ELF1: variants seen among roughly 807,000 people sequenced by gnomAD.
ELF1 encodes the protein ETS-related transcription factor Elf-1.
A neutral mutation model predicts 59.9 loss-of-function variants in ELF1; 24 were observed. The observed-to-expected ratio is 0.40, with a 90% CI of 0.29 to 0.56. The LOEUF (loss-of-function observed/expected upper bound fraction) is 0.56. Among genes scored for constraint, ELF1 ranks in the 20% least tolerant of loss-of-function variants. ELF1 has a pLI of 0.44. For synonymous variants in ELF1, 248 were observed against 266.2 expected (o/e 0.93, Z 0.67); for missense variants, 627 against 742.2 (o/e 0.84, Z 1.80).
Position 40,933,273 on chromosome 13 carries a change from TCCTC to T in ELF1, c.*148_*151del. The T allele has an allele frequency of 1.0e-6, 1 of 959,956 alleles. No homozygotes were observed. The highest frequency in any genetic ancestry group is 1.5e-6 in the Non-Finnish European group (1 of 674,214). 59.5% of individuals were successfully genotyped at this position (959,956 alleles called of 1,614,324 possible). A position where few individuals can be genotyped will look rare whatever the true frequency, so the allele number is the denominator to read the frequency against. ...ATAACAAAGAGAAACAGTTGAGTTT[TCCTC>T]CCTCATCTAACAAAGTCAAAATTAA... On this transcript the variant is annotated 3_prime_UTR_variant, in exon 9 of 9. Coordinates refer to ENST00000239882, the MANE Select transcript of ELF1 (RefSeq NM_172373.4).
rs187909248 is a variant in ELF1 at position 40,959,436 on chromosome 13, C to T, written c.73-420G>A. On this transcript the variant is annotated intron_variant, in intron 2 of 8. Coordinates refer to ENST00000239882, the MANE Select transcript of ELF1 (RefSeq NM_172373.4). ...ACTTGAACCTGGGAGGCGGAGGTTG[C>T]AGTGAGCCGAGATCGCACCACTGCA... 4.4e-3 allele frequency among the ~76,000 whole-genome samples: 665 copies of T among 152,110 alleles called. 2 individuals are homozygous for T. Among genetic ancestry groups the T allele is most frequent in the Non-Finnish European group, 7.7e-3 (526 of 67,972 alleles).
intron 6 of ELF1, 98 bp from the exon 7 acceptor site, chr13:40,943,242 T>C (rs1314574875): frequency 1.4e-5 from 15 of 1,034,844 alleles, no homozygotes; most frequent in Admixed American, 1.2e-4. Context: ...TTTATATTTA[T>C]ACAAAAATAT....
chr13:41,030,886 C>T (rs1436871269), intron 1 of ELF1, among the ~76,000 whole-genome samples: 3 of 151,810 alleles, frequency 2.0e-5, no homozygotes, highest in Non-Finnish European at 4.4e-5. Flanking sequence ...TCTGGCCAGG[C>T]ATGGTGGCTC....
intron 1 of ELF1, chr13:40,992,780 C>T: frequency 3.2e-6 from 1 of 309,322 alleles, no homozygotes; most frequent in Non-Finnish European, 5.9e-6. Flanking sequence ...AAAGATGTTA[C>T]TTGGGGCTGG....
At position 40,933,619 on chromosome 13, in the gene ELF1, C is replaced by G. The variant is rs1308215258; in HGVS notation, c.1666G>C (p.Val556Leu). Reference protein sequence around the residue: ...AHPPGTVITSVIKTQETKTLT... With the variant: ...AHPPGTVITSLIKTQETKTLT... ...GTTTTTGTTTCTTGAGTTTTGATAA[C>G]TGAAGTGATTACAGTGCCAGGTGGG... Residue 556 changes from valine (V) to leucine (L), a missense_variant, in exon 9 of 9, where the codon GTT becomes CTT. Physicochemically the swap from Val to Leu is conservative, Grantham distance 32 (BLOSUM62 1). Around this residue, in one of 3 missense-constraint regions of ELF1, gnomAD observed 361 missense variants for 396.1 expected, o/e 0.91. Transcript: ENST00000239882. The G allele has an allele frequency of 2.5e-6, 4 of 1,614,048 alleles. No homozygotes were observed. The highest frequency in any genetic ancestry group is 3.3e-5 in the Admixed American group (2 of 59,990).
intron 1 of ELF1, chr13:40,993,001 G>A: frequency 1.5e-6 from 2 of 1,330,962 alleles, no homozygotes; most frequent in Non-Finnish European, 2.2e-6. Context: ...ATCCAGAAAA[G>A]TAGGTTCTCT....
intron 1 of ELF1, among the ~76,000 whole-genome samples, chr13:41,034,250 C>G (rs1205233067): frequency 6.6e-6 from 1 of 152,058 alleles, no homozygotes; most frequent in African/African-American, 2.4e-5. Context: ...TGTGGTATAT[C>G]TTGGACTAGA....
chr13:40,997,670 G>C (rs1371983834), intron 1 of ELF1, among the ~76,000 whole-genome samples: 3 of 152,228 alleles, frequency 2.0e-5, no homozygotes, highest in Middle Eastern at 3.4e-3. Flanking sequence ...GGGATTACAG[G>C]TGTGAGCCAC....
At position 41,029,483 on chromosome 13, in the gene ELF1, G is replaced by A. The variant is rs542445724; in HGVS notation, c.-229+31355C>T. ...CACAGCCTCAACCTCCCAGGCTCAG[G>A]TGATCCTCTCACCTCAGCCTCCCGA... On this transcript the variant is annotated intron_variant, in intron 1 of 1. Transcript: ENST00000405737. Among the ~76,000 whole-genome samples, 451 of 152,232 alleles carry A rather than the reference G, an allele frequency of 3.0e-3. 3 individuals are homozygous for A. The highest frequency in any genetic ancestry group is 0.01 in the African/African-American group (431 of 41,534).
At chr13:40,992,546 A>G (rs1873908746) in intron 1 of ELF1, among the ~76,000 whole-genome samples, 1 of 152,236 alleles carries the variant, frequency 6.6e-6, no homozygotes, top group Admixed American at 6.5e-5. Context: ...ATAATGAAGG[A>G]AGAATGAATT....
At chr13:41,060,920 C>T (rs554330216) in exon 1 of ELF1, 5,748 of 45,164 alleles carry the variant, frequency 0.13, 300 homozygotes, top group African/African-American at 0.29. Flanking sequence ...CTGCTGCCGC[C>T]GCCGCCGCCG....
intron 1 of ELF1, among the ~76,000 whole-genome samples, chr13:41,015,171 C>G (rs1238767996): frequency 6.6e-6 from 1 of 151,712 alleles, no homozygotes; most frequent in Non-Finnish European, 1.5e-5. Flanking sequence ...ACAATTGGAA[C>G]CAAAACAACT....
intron 1 of ELF1, among the ~76,000 whole-genome samples, chr13:41,004,157 T>C (rs1431852712): frequency 6.6e-6 from 1 of 151,984 alleles, no homozygotes; most frequent in Admixed American, 6.6e-5. Flanking sequence ...GTTCAACATC[T>C]AAAAAGAAAC....
chr13:40,956,088 G>T (rs1366221158), intron 3 of ELF1, among the ~76,000 whole-genome samples: 4 of 149,764 alleles, frequency 2.7e-5, no homozygotes, highest in Non-Finnish European at 4.5e-5. Flanking sequence ...ACAGCTCATT[G>T]AGAACGGGCC....
intron 1 of ELF1, among the ~76,000 whole-genome samples, chr13:40,984,205 C>T (rs1398333218): frequency 6.6e-6 from 1 of 152,280 alleles, no homozygotes; most frequent in African/African-American, 2.4e-5. Flanking sequence ...TTCTTCTGTA[C>T]CTCCCAAACC....
chr13:41,017,906 G>A (rs1300295188), intron 1 of ELF1, among the ~76,000 whole-genome samples: 1 of 152,168 alleles, frequency 6.6e-6, no homozygotes, highest in Non-Finnish European at 1.5e-5. Flanking sequence ...TGCAAACAAA[G>A]ATGATAGCAA....
chr13:40,955,733 A>T (rs1380366788), intron 3 of ELF1, among the ~76,000 whole-genome samples: 3 of 121,096 alleles, frequency 2.5e-5, no homozygotes, highest in Non-Finnish European at 5.3e-5. Context: ...CGGGGAGGTC[A>T]GCCCCCCGCC....
intron 1 of ELF1, among the ~76,000 whole-genome samples, chr13:40,985,271 C>T (rs1000861515): frequency 1.3e-5 from 2 of 152,166 alleles, no homozygotes; most frequent in African/African-American, 2.4e-5. Flanking sequence ...AGAGGGAGCA[C>T]CTGTAGATAT....
chr13:40,964,263 T>G (rs1872037005), intron 2 of ELF1, among the ~76,000 whole-genome samples: 1 of 152,194 alleles, frequency 6.6e-6, no homozygotes, highest in Admixed American at 6.5e-5. Flanking sequence ...TCAAAACAAA[T>G]AAAATATTGG....
Sources: gnomAD v4.1 joint callset for allele counts (sites outside exome capture counted in the v4.1 genomes callset) on GRCh38, gnomAD v4.1.1 for gene constraint, gnomAD v4.1.1 regional missense constraint, MANE v1.5 for transcripts, NCBI Gene and HGNC (gene_info 2026-07-23, HGNC 2026-07-21) for gene names.